SIL1: variants seen among roughly 807,000 people sequenced by gnomAD.
SIL1 encodes nucleotide exchange factor SIL1.
In SIL1, 40 loss-of-function variants were observed where a neutral mutation model predicts 49.1. The ratio of observed to expected loss-of-function variants is 0.81; its 90% CI spans 0.63 to 1.06. SIL1 has a LOEUF of 1.06. Among genes scored for constraint, SIL1 ranks in the 50% least tolerant of loss-of-function variants. The probability of loss-of-function intolerance (pLI) is 0.00; values close to 1 mark genes in which losing one functional copy is unlikely to be tolerated. For missense variants in SIL1, 500 were observed against 572.6 expected (o/e 0.87, Z 1.29); for synonymous variants, 253 against 250.8 (o/e 1.01, Z -0.08).
At chr5:139,177,032 A>T (rs1029071217) in intron 1 of SIL1, among the ~76,000 whole-genome samples, 2 of 141,826 alleles carry the variant, frequency 1.4e-5, no homozygotes, top group Admixed American at 7.8e-5. Flanking sequence ...TTCTGGGTTC[A>T]TGCCATTCTC....
intron 1 of SIL1, among the ~76,000 whole-genome samples, chr5:139,170,120 C>T (rs1751718678): frequency 6.6e-6 from 1 of 152,234 alleles, no homozygotes. Context: ...CCGCCAGCCT[C>T]GGCCTCCCGA....
intron 4 of SIL1, among the ~76,000 whole-genome samples, chr5:139,050,690 T>G (rs1345946217): frequency 1.3e-5 from 2 of 152,246 alleles, no homozygotes; most frequent in Non-Finnish European, 2.9e-5. Flanking sequence ...AAAAATAGTT[T>G]CATTTTTAAA....
chr5:139,159,572 A>C (rs1751467980), intron 1 of SIL1, among the ~76,000 whole-genome samples: 1 of 152,206 alleles, frequency 6.6e-6, no homozygotes, highest in African/African-American at 2.4e-5. Context: ...GGAAAAAAAA[A>C]ATCACTAATT....
intron 9 of SIL1, among the ~76,000 whole-genome samples, chr5:138,949,103 T>TCAGGGACGA (rs1766703742): frequency 6.6e-6 from 1 of 152,162 alleles, no homozygotes; most frequent in African/African-American, 2.4e-5. Context: ...GCCTGAAAGC[T>TCAGGGACGA]CAGGGACGAC....
intron 7 of SIL1, among the ~76,000 whole-genome samples, chr5:138,974,670 C>T (rs1018804820): frequency 6.6e-6 from 1 of 152,090 alleles, no homozygotes; most frequent in Non-Finnish European, 1.5e-5. Flanking sequence ...AGGGAAGGAG[C>T]CCCTGTTTCC....
At chr5:138,967,007 G>C (rs772978708) in intron 7 of SIL1, among the ~76,000 whole-genome samples, 41 of 152,182 alleles carry the variant, frequency 2.7e-4, no homozygotes, top group Non-Finnish European at 3.2e-4. Flanking sequence ...TGTGAGTATC[G>C]AGTGAGATAG....
At chr5:139,126,541 G>A (rs1329105758) in intron 2 of SIL1, among the ~76,000 whole-genome samples, 1 of 152,178 alleles carries the variant, frequency 6.6e-6, no homozygotes, top group Non-Finnish European at 1.5e-5. Flanking sequence ...CCATGCCAGA[G>A]ACAGCCCCAA....
At chr5:139,041,450 G>C (rs998225931) in intron 5 of SIL1, among the ~76,000 whole-genome samples, 2 of 152,178 alleles carry the variant, frequency 1.3e-5, no homozygotes, top group Admixed American at 6.5e-5. Flanking sequence ...CTGTCAAGAG[G>C]CTAATGCTGT....
chr5:138,950,805 G>C (rs541404859), intron 9 of SIL1, among the ~76,000 whole-genome samples: 1 of 152,304 alleles, frequency 6.6e-6, no homozygotes, highest in Admixed American at 6.5e-5. Flanking sequence ...TCCGAAGAGT[G>C]AGTGCCATTC....
chr5:139,031,734 A>T (rs1340006539), intron 5 of SIL1, among the ~76,000 whole-genome samples: 1 of 152,224 alleles, frequency 6.6e-6, no homozygotes, highest in Admixed American at 6.5e-5. Flanking sequence ...ATCCATGGAC[A>T]CAGTGTGTCA....
intron 7 of SIL1, among the ~76,000 whole-genome samples, chr5:138,957,533 A>G (rs915642898): frequency 6.6e-6 from 1 of 152,022 alleles, no homozygotes; most frequent in Non-Finnish European, 1.5e-5. Flanking sequence ...GCAGTGAGCT[A>G]TGGGCAACAG....
chr5:139,182,048 C>T (rs1489835956), intron 1 of SIL1, among the ~76,000 whole-genome samples: 1 of 151,952 alleles, frequency 6.6e-6, no homozygotes, highest in Non-Finnish European at 1.5e-5. Context: ...GAGCAGTAAA[C>T]ACTATAATCT....
intron 1 of SIL1, among the ~76,000 whole-genome samples, chr5:139,173,790 C>CAA (rs70982756): frequency 0.39 from 41,445 of 105,998 alleles, 8,942 homozygotes; most frequent in Non-Finnish European, 0.53. Flanking sequence ...ACTAAAAATA[C>CAA]AAAAAAAAAA....
intron 3 of SIL1, among the ~76,000 whole-genome samples, chr5:139,078,353 C>T (rs1420524359): frequency 6.6e-6 from 1 of 151,926 alleles, no homozygotes; most frequent in Non-Finnish European, 1.5e-5. Flanking sequence ...CTTCCTAATT[C>T]TCATTCCAGG....
rs552153765 is a variant in SIL1, at chr5:139,170,844, G to A, written c.-11+27425C>T. 2.9e-3 allele frequency among the ~76,000 whole-genome samples: 421 copies of A among 146,366 alleles called. 2 individuals are homozygous for A. The highest frequency in any genetic ancestry group is 9.1e-3 in the African/African-American group (356 of 39,226). On this transcript the variant is annotated intron_variant, in intron 1 of 9. Transcript: ENST00000394817. ...AGGTGGGGGGGTCAGCCCCCCGCCCGGCCAGCCGCCCCGTCCGGGAGGTGA... is the reference window on the plus strand; with the variant it reads ...AGGTGGGGGGGTCAGCCCCCCGCCCAGCCAGCCGCCCCGTCCGGGAGGTGA...
intron 5 of SIL1, among the ~76,000 whole-genome samples, chr5:139,040,498 C>CTTTTTTTT (rs11312366): frequency 1.9e-5 from 2 of 105,328 alleles, no homozygotes; most frequent in African/African-American, 7.3e-5. Context: ...TTTCTTTTTT[C>CTTTTTTTT]TTTTTTTTTT....
At position 139,121,267 on chromosome 5, in the gene SIL1, T is replaced by C. The variant is rs888737919; in HGVS notation, c.106-94A>G. 2.6e-6 allele frequency: 4 copies of C among 1,537,296 alleles called. No individual in the cohort carries two copies. The African/African-American group carries it at 5.4e-5, about 21-fold the overall frequency. On this transcript the variant is annotated intron_variant, in intron 2 of 9. Coordinates refer to ENST00000394817, the MANE Select transcript of SIL1 (RefSeq NM_022464.5). Reference sequence around the variant, plus strand: ...TAGGGTGGCACGTTCTTTTCCTCCATGCCCCTCTCCCCCACAGCCTGATAT... The same window carrying C: ...TAGGGTGGCACGTTCTTTTCCTCCACGCCCCTCTCCCCCACAGCCTGATAT...
chr5:139,146,669 T>G (rs925980321), intron 1 of SIL1, among the ~76,000 whole-genome samples: 1 of 152,226 alleles, frequency 6.6e-6, no homozygotes, highest in Non-Finnish European at 1.5e-5. Context: ...AATCCCCTTC[T>G]TTGCCTAAAC....
chr5:139,165,681 C>T (rs144395572), intron 1 of SIL1, among the ~76,000 whole-genome samples: 155 of 150,712 alleles, frequency 1.0e-3, no homozygotes, highest in African/African-American at 3.7e-3. Context: ...TTTTTTGAGA[C>T]GGGGTCTCAC....
Sources: allele counts gnomAD v4.1 joint callset (sites outside exome capture counted in the v4.1 genomes callset), GRCh38; gene constraint gnomAD v4.1.1; transcripts MANE v1.5; gene names NCBI Gene and HGNC (gene_info 2026-07-23, HGNC 2026-07-21).